The following CELF2 variants were observed in gnomAD, a reference collection of about 807,000 sequenced individuals.
CELF2 encodes the protein CUGBP Elav-like family member 2.
CELF2 carries 8 observed loss-of-function variants against 62.6 expected under a neutral mutation model. That is an observed-to-expected ratio of 0.13 (90% CI 0.07 to 0.23). The LOEUF (loss-of-function observed/expected upper bound fraction) is 0.23. CELF2 is among the 10% of genes least tolerant of loss of function. The pLI, the probability that CELF2 is intolerant of heterozygous loss-of-function variation, is 1.00. For synonymous variants in CELF2, 258 were observed against 250.0 expected (o/e 1.03, Z -0.30); for missense variants, 333 against 671.0 (o/e 0.50, Z 5.56).
At chr10:10,884,318 T>C (rs1316517729) in intron 1 of CELF2, among the ~76,000 whole-genome samples, 7 of 152,200 alleles carry the variant, frequency 4.6e-5, no homozygotes, top group South Asian at 2.1e-4. Flanking sequence ...AAGTAGAACC[T>C]GTGCATACCA....
rs903574216 is a variant in CELF2, at chr10:11,146,591, C to T, written c.75-18895C>T. Among the ~76,000 whole-genome samples the T allele has an allele frequency of 7.9e-5, 12 of 152,170 alleles. No individual in the cohort carries two copies. In the East Asian group the frequency reaches 1.7e-3, roughly 22 times the overall value. ...AAGAAAGTGGATTGGAGAAGAATAA[C>T]GTGGGGTCACTAAGCCACATTCCAT... On this transcript the variant is annotated intron_variant, in intron 1 of 12. Coordinates refer to ENST00000633077, the MANE Select transcript of CELF2 (RefSeq NM_001326342.2).
chr10:10,684,260 C>T, the CELF2 span, among the ~76,000 whole-genome samples: 1 of 152,152 alleles, frequency 6.6e-6, no homozygotes, highest in Non-Finnish European at 1.5e-5. Context: ...CACTGTTCCT[C>T]TATCAGTGTG....
At chr10:11,047,600 A>G (rs188059218) in intron 1 of CELF2, among the ~76,000 whole-genome samples, 1 of 152,308 alleles carries the variant, frequency 6.6e-6, no homozygotes, top group African/African-American at 2.4e-5. Context: ...AAGAAGCCTC[A>G]GAGGTATTAA....
chr10:10,983,692 C>T lies in CELF2; in HGVS notation c.89+63693C>T, dbSNP rs2052410493. Among the ~76,000 whole-genome samples the T allele has an allele frequency of 6.6e-6, 1 of 152,154 alleles. No individual in the cohort carries two copies. The highest frequency in any genetic ancestry group is 2.4e-5 in the African/African-American group (1 of 41,432). On this transcript the variant is annotated intron_variant, in intron 2 of 13. Coordinates refer to the CELF2 transcript ENST00000636488. The surrounding 1 kb of genome is among the most constrained non-coding windows in gnomAD (Gnocchi z 5.2). ...AAGCGATTCTCCTGCCTCAGCCTCC[C>T]AAGTAACTGAGATTATAGGCACTTG... is the stretch of plus-strand genomic sequence containing the variant.
At chr10:10,772,388 T>C in the CELF2 span, among the ~76,000 whole-genome samples, 1 of 152,244 alleles carries the variant, frequency 6.6e-6, no homozygotes, top group Non-Finnish European at 1.5e-5. Flanking sequence ...CAGCTTTCAA[T>C]TATTCAGTGT....
the CELF2 span, among the ~76,000 whole-genome samples, chr10:10,483,538 A>T: frequency 0.57 from 86,138 of 151,958 alleles, 24,529 homozygotes; most frequent in Admixed American, 0.65. Context: ...TCTGAAAATG[A>T]CCCCTTTCTT....
In CELF2 at chr10:11,243,333, C is replaced by T. The variant is rs2765978; in HGVS notation, c.355-5820C>T. On this transcript the variant is annotated intron_variant, in intron 3 of 12. Transcript: ENST00000633077. This position sits in a 1 kb window ranked among gnomAD's most constrained non-coding sequence, Gnocchi z 4.1. Reference sequence around the variant, plus strand: ...CCAAGAAGTTAACCATGTACCTTAACGTGCGGCTTTAGGCAAAATGTTATT... The same window carrying T: ...CCAAGAAGTTAACCATGTACCTTAATGTGCGGCTTTAGGCAAAATGTTATT... 5.8e-3 allele frequency among the ~76,000 whole-genome samples: 855 copies of T among 147,206 alleles called. 10 individuals are homozygous for T. The highest frequency in any genetic ancestry group is 0.021 in the African/African-American group (819 of 39,402).
chr10:10,854,226 T>C lies in CELF2; in HGVS notation c.53+55409T>C, dbSNP rs541768113. 2.4e-4 allele frequency among the ~76,000 whole-genome samples: 37 copies of C among 152,322 alleles called. 1 individual carries two copies. The highest frequency in any genetic ancestry group is 1.0e-3 in the South Asian group (5 of 4,828). ...GGAATATGGAAGTGTCAAAAGAGCCTGTGTCTGCTCTAGTTTTGTCCAGAG... is the reference window on the plus strand; with the variant it reads ...GGAATATGGAAGTGTCAAAAGAGCCCGTGTCTGCTCTAGTTTTGTCCAGAG... On this transcript the variant is annotated intron_variant, in intron 1 of 13. Transcript: ENST00000636488.
At chr10:10,921,426 G>T (rs777537147) in intron 2 of CELF2, among the ~76,000 whole-genome samples, 1 of 151,604 alleles carries the variant, frequency 6.6e-6, no homozygotes, top group Non-Finnish European at 1.5e-5. Context: ...GCACCACTAC[G>T]CCCAGCTAAC....
chr10:10,736,052 G>C, the CELF2 span, among the ~76,000 whole-genome samples: 1 of 152,146 alleles, frequency 6.6e-6, no homozygotes, highest in Non-Finnish European at 1.5e-5. Context: ...TTTAAAATAA[G>C]GAAATTGGAC....
chr10:11,218,537 G>C (rs1484325019), intron 3 of CELF2, among the ~76,000 whole-genome samples: 1 of 152,214 alleles, frequency 6.6e-6, no homozygotes, highest in Non-Finnish European at 1.5e-5. Flanking sequence ...CAAGATCGTA[G>C]TGGCAAAAAG....
the CELF2 span, among the ~76,000 whole-genome samples, chr10:10,475,495 A>C: frequency 6.6e-6 from 1 of 151,108 alleles, no homozygotes; most frequent in Non-Finnish European, 1.5e-5. Flanking sequence ...AAAAAAAGTA[A>C]TTTTCTACTT....
chr10:10,788,448 T>C, the CELF2 span, among the ~76,000 whole-genome samples: 1 of 148,604 alleles, frequency 6.7e-6, no homozygotes, highest in South Asian at 2.2e-4. Flanking sequence ...TATATTTCTT[T>C]CCATCTTTTT....
intron 3 of CELF2, among the ~76,000 whole-genome samples, chr10:11,233,305 G>T (rs1398282060): frequency 1.3e-5 from 2 of 152,162 alleles, no homozygotes; most frequent in Non-Finnish European, 2.9e-5. Flanking sequence ...CTAAGTTACA[G>T]GAACTTGGGT....
At chr10:10,987,230 A>T (rs905085974) in intron 2 of CELF2, among the ~76,000 whole-genome samples, 1 of 151,462 alleles carries the variant, frequency 6.6e-6, no homozygotes, top group African/African-American at 2.5e-5. Context: ...CAATAGTGAA[A>T]ACATTGTAAC....
At chr10:11,253,981 G>C (rs540266322) in intron 4 of CELF2, among the ~76,000 whole-genome samples, 1 of 152,268 alleles carries the variant, frequency 6.6e-6, no homozygotes, top group East Asian at 1.9e-4. Flanking sequence ...TGTGAACACA[G>C]TGCGTTTCAT....
At chr10:10,914,166 A>G (rs1035499545) in intron 1 of CELF2, among the ~76,000 whole-genome samples, 2 of 152,220 alleles carry the variant, frequency 1.3e-5, no homozygotes, top group Admixed American at 1.3e-4. Context: ...TTTTGGGAAA[A>G]AAATTAAAGA....
intron 1 of CELF2, among the ~76,000 whole-genome samples, chr10:10,869,700 G>A (rs1184777810): frequency 6.6e-6 from 1 of 152,044 alleles, no homozygotes; most frequent in Non-Finnish European, 1.5e-5. Flanking sequence ...GCAGCCTTTG[G>A]GATCCTCCAT....
At chr10:10,687,415 C>T in the CELF2 span, among the ~76,000 whole-genome samples, 15 of 152,238 alleles carry the variant, frequency 9.9e-5, no homozygotes, top group South Asian at 6.2e-4. Flanking sequence ...TACTATTGAA[C>T]GAACCTAATG....
Sources: gnomAD v4.1 joint callset for allele counts (sites outside exome capture counted in the v4.1 genomes callset) on GRCh38, gnomAD v4.1.1 for gene constraint, Gnocchi (gnomAD v3.1) non-coding constraint, MANE v1.5 for transcripts, NCBI Gene and HGNC (gene_info 2026-07-23, HGNC 2026-07-21) for gene names.